The following KCNK1 variants were observed in gnomAD, a reference collection of about 807,000 sequenced individuals.
KCNK1 encodes potassium two pore domain channel subfamily K member 1, also known as potassium channel subfamily K member 1.
In KCNK1, 10 loss-of-function variants were observed where a neutral mutation model predicts 22.2. The observed-to-expected ratio is 0.45, with a 90% CI of 0.28 to 0.76. The LOEUF (loss-of-function observed/expected upper bound fraction) is 0.76. Among genes scored for constraint, KCNK1 ranks in the 30% least tolerant of loss-of-function variants. The pLI is 0.14. For missense variants in KCNK1, 378 were observed against 421.0 expected (o/e 0.90, Z 0.89); for synonymous variants, 200 against 186.4 (o/e 1.07, Z -0.60).
chr1:233,634,667 G>C (rs1191195322), intron 1 of KCNK1, among the ~76,000 whole-genome samples: 1 of 152,214 alleles, frequency 6.6e-6, no homozygotes, highest in Non-Finnish European at 1.5e-5. Context: ...CTGCAACAGT[G>C]ACTTTAGCTT....
chr1:233,646,979 G>A (rs1034547830), intron 1 of KCNK1, among the ~76,000 whole-genome samples: 5 of 152,118 alleles, frequency 3.3e-5, no homozygotes, highest in South Asian at 2.1e-4. Flanking sequence ...CACCAAACTC[G>A]AAGCAGTGAG....
Position 233,614,185 on chromosome 1 carries a change from T to C in KCNK1, c.14T>C (p.Leu5Pro). 1.2e-6 allele frequency: 2 copies of C among 1,604,574 alleles called. No homozygotes were observed. The highest frequency in any genetic ancestry group is 1.7e-6 in the Non-Finnish European group (2 of 1,179,018). ...GCGGTGGAGAAGATGCTGCAGTCCC[T>C]GGCCGGCAGCTCGTGCGTGCGCCTG... MLQS[L>P]AGSSCVRLVE... Residue 5 changes from leucine to proline, a missense_variant, in exon 1 of 3, where the codon CTG (leucine) becomes CCG (proline). Leu to Pro is a moderately conservative substitution (Grantham distance 98). Coordinates refer to ENST00000366621, the MANE Select transcript of KCNK1 (RefSeq NM_002245.4).
chr1:233,656,652 C>T (rs769965953), intron 1 of KCNK1, among the ~76,000 whole-genome samples: 12 of 152,142 alleles, frequency 7.9e-5, no homozygotes, highest in Non-Finnish European at 1.3e-4. Context: ...CAGAGTCTCT[C>T]GTCGTCTAGG....
chr1:233,631,965 A>G (rs567977397), intron 1 of KCNK1, among the ~76,000 whole-genome samples: 3 of 152,334 alleles, frequency 2.0e-5, no homozygotes, highest in South Asian at 2.1e-4. Context: ...CAGAGGTCTC[A>G]TAGTTCAGCC....
At chr1:233,646,558 T>A (rs1253656447) in intron 1 of KCNK1, among the ~76,000 whole-genome samples, 2 of 151,466 alleles carry the variant, frequency 1.3e-5, no homozygotes, top group Non-Finnish European at 2.9e-5. Context: ...TTATTATTAT[T>A]TTGGTAGGCC....
Position 233,671,534 on chromosome 1 carries a change from T to C in KCNK1, c.*4T>C, listed in dbSNP as rs1334705102. 4 of 1,613,812 alleles carry C rather than the reference T, an allele frequency of 2.5e-6. No homozygotes were observed. Among genetic ancestry groups the C allele is most frequent in the Non-Finnish European group, 3.4e-6 (4 of 1,180,014 alleles). ...GGATGGCCCTGCAAACCATTGAGCG[T>C]AGGATTTGTTGCATTATGCTAGAGC... On this transcript the variant is annotated 3_prime_UTR_variant, in exon 3 of 3. Transcript: ENST00000366621.
At chr1:233,635,031 C>G (rs1657874568) in intron 1 of KCNK1, among the ~76,000 whole-genome samples, 1 of 152,246 alleles carries the variant, frequency 6.6e-6, no homozygotes, top group South Asian at 2.1e-4. Flanking sequence ...AAATAATTCT[C>G]TAGTCCAACC....
intron 1 of KCNK1, among the ~76,000 whole-genome samples, chr1:233,627,518 A>G (rs1164023031): frequency 6.6e-6 from 1 of 150,788 alleles, no homozygotes; most frequent in Non-Finnish European, 1.5e-5. Flanking sequence ...AAGCGCCCAC[A>G]TCGCTACCTA....
At chr1:233,671,154 C>T in intron 2 of KCNK1, 117 bp from the exon 3 acceptor site, 1 of 891,264 alleles carries the variant, frequency 1.1e-6, no homozygotes, top group Non-Finnish European at 1.7e-6. Context: ...AAGAAACTGG[C>T]AATGAGTTTA....
intron 1 of KCNK1, among the ~76,000 whole-genome samples, chr1:233,650,798 G>GAAA (rs11441644): frequency 7.7e-5 from 10 of 130,462 alleles, no homozygotes; most frequent in East Asian, 2.3e-4. Context: ...TCGAACAATA[G>GAAA]AAAAAAAAAA....
chr1:233,622,476 G>T (rs1250892222), intron 1 of KCNK1, among the ~76,000 whole-genome samples: 2 of 152,188 alleles, frequency 1.3e-5, no homozygotes, highest in Non-Finnish European at 2.9e-5. Context: ...CTTTTGAGGT[G>T]TTTTATTGAC....
At chr1:233,664,658 G>A (rs143282718) in intron 1 of KCNK1, among the ~76,000 whole-genome samples, 1 of 152,288 alleles carries the variant, frequency 6.6e-6, no homozygotes, top group Non-Finnish European at 1.5e-5. Context: ...GTACCTTCTG[G>A]GACAGTGGGT....
At chr1:233,638,893 G>A (rs1158499140) in intron 1 of KCNK1, among the ~76,000 whole-genome samples, 1 of 152,200 alleles carries the variant, frequency 6.6e-6, no homozygotes, top group African/African-American at 2.4e-5. Context: ...TGTATGTCTG[G>A]AAGTGGCAGT....
chr1:233,622,388 C>A (rs954883397), intron 1 of KCNK1, among the ~76,000 whole-genome samples: 1 of 152,196 alleles, frequency 6.6e-6, no homozygotes, highest in Non-Finnish European at 1.5e-5. Context: ...TGCTGAAGTT[C>A]TCCATTGACT....
At chr1:233,648,963 G>A (rs1268709684) in intron 1 of KCNK1, among the ~76,000 whole-genome samples, 2 of 152,152 alleles carry the variant, frequency 1.3e-5, no homozygotes, top group Non-Finnish European at 2.9e-5. Flanking sequence ...CTGGAGAGAT[G>A]AGTCTCTATC....
At chr1:233,627,234 T>C (rs528191911) in intron 1 of KCNK1, among the ~76,000 whole-genome samples, 3 of 152,348 alleles carry the variant, frequency 2.0e-5, no homozygotes, top group African/African-American at 7.2e-5. Context: ...TCTAAACATC[T>C]TCTTTATTTC....
chr1:233,614,933 T>A (rs948557562), intron 1 of KCNK1, among the ~76,000 whole-genome samples: 4 of 152,188 alleles, frequency 2.6e-5, no homozygotes, highest in African/African-American at 9.6e-5. Context: ...CTGGCCGCCG[T>A]GCGGCAAGGC....
chr1:233,662,814 G>A (rs1344998636), intron 1 of KCNK1, among the ~76,000 whole-genome samples: 1 of 152,152 alleles, frequency 6.6e-6, no homozygotes, highest in East Asian at 1.9e-4. Flanking sequence ...TTTGAGGTCA[G>A]TTTTTTCAGC....
At chr1:233,649,840 A>G in intron 1 of KCNK1, 1 of 428,668 alleles carries the variant, frequency 2.3e-6, no homozygotes, top group Non-Finnish European at 4.8e-6. Context: ...AGACTGTAGC[A>G]GGGAATGAAA....
Sources: gnomAD v4.1 joint callset for allele counts (sites outside exome capture counted in the v4.1 genomes callset) on GRCh38, gnomAD v4.1.1 for gene constraint, MANE v1.5 for transcripts, NCBI Gene and HGNC (gene_info 2026-07-23, HGNC 2026-07-21) for gene names.